PPP1R14C: variants seen among roughly 807,000 people sequenced by gnomAD.
The protein encoded by PPP1R14C is protein phosphatase 1 regulatory subunit 14C.
A neutral mutation model predicts 20.4 loss-of-function variants in PPP1R14C; 16 were observed. The observed-to-expected ratio is 0.78, with a 90% CI of 0.53 to 1.19. PPP1R14C has a LOEUF of 1.19. Ranked by LOEUF, PPP1R14C falls within the 50% of genes most tolerant of loss-of-function variation. The probability of loss-of-function intolerance (pLI) is 0.00; values close to 1 mark genes in which losing one functional copy is unlikely to be tolerated. For synonymous variants in PPP1R14C, 91 were observed against 91.0 expected (o/e 1.00, Z 0.00); for missense variants, 211 against 220.1 (o/e 0.96, Z 0.26).
chr6:150,148,597 G>T (rs955172028), intron 1 of PPP1R14C, among the ~76,000 whole-genome samples: 1 of 152,120 alleles, frequency 6.6e-6, no homozygotes, highest in Non-Finnish European at 1.5e-5. Flanking sequence ...CACATCAGCC[G>T]GCTTTGCTAC....
At chr6:150,167,198 T>A (rs949108543) in intron 1 of PPP1R14C, among the ~76,000 whole-genome samples, 8 of 152,098 alleles carry the variant, frequency 5.3e-5, no homozygotes, top group African/African-American at 1.9e-4. Flanking sequence ...AAACCCCATC[T>A]CTACTAAAAA....
At chr6:150,217,079 G>T (rs1481985167) in intron 3 of PPP1R14C, among the ~76,000 whole-genome samples, 1 of 152,070 alleles carries the variant, frequency 6.6e-6, no homozygotes, top group Non-Finnish European at 1.5e-5. Flanking sequence ...AGAGTGTGTT[G>T]CTTGTGTTAG....
intron 1 of PPP1R14C, among the ~76,000 whole-genome samples, chr6:150,159,014 T>TGG (rs746456955): frequency 6.6e-6 from 1 of 152,016 alleles, no homozygotes; most frequent in Non-Finnish European, 1.5e-5. Context: ...TCTTCATTTT[T>TGG]GGGGGGGCAG....
chr6:150,217,441 C>T (rs533698102), intron 3 of PPP1R14C, among the ~76,000 whole-genome samples: 16 of 152,198 alleles, frequency 1.1e-4, no homozygotes, highest in Middle Eastern at 3.4e-3. Flanking sequence ...GGTATTCACC[C>T]GCCTCGGCCT....
At chr6:150,209,921 ATG>A (rs533600580) in intron 1 of PPP1R14C, among the ~76,000 whole-genome samples, 1 of 134,656 alleles carries the variant, frequency 7.4e-6, no homozygotes, top group Admixed American at 7.3e-5. Context: ...ATGTTTGTGT[ATG>A]TGTGTGTGCA....
chr6:150,232,980 G>A (rs1778311463), intron 3 of PPP1R14C, among the ~76,000 whole-genome samples: 1 of 152,234 alleles, frequency 6.6e-6, no homozygotes, highest in South Asian at 2.1e-4. Flanking sequence ...GGCAGGGACA[G>A]GTTGTAGGAA....
chr6:150,161,511 C>T (rs1777367536), intron 1 of PPP1R14C, among the ~76,000 whole-genome samples: 1 of 152,226 alleles, frequency 6.6e-6, no homozygotes. Flanking sequence ...TAATCCATTA[C>T]TACATGGGTT....
intron 1 of PPP1R14C, among the ~76,000 whole-genome samples, chr6:150,198,989 G>A (rs920895200): frequency 6.7e-6 from 1 of 150,076 alleles, no homozygotes; most frequent in Non-Finnish European, 1.5e-5. Context: ...GACAGAAGTG[G>A]TAGGCTTCTT....
intron 1 of PPP1R14C, among the ~76,000 whole-genome samples, chr6:150,197,825 G>C (rs1246983374): frequency 2.8e-5 from 4 of 145,160 alleles, no homozygotes; most frequent in Admixed American, 2.0e-4. Context: ...GCCCTTCACG[G>C]TGGAGGAGGG....
intron 1 of PPP1R14C, among the ~76,000 whole-genome samples, chr6:150,150,849 C>T (rs1777237994): frequency 6.6e-6 from 1 of 152,090 alleles, no homozygotes; most frequent in Admixed American, 6.6e-5. Context: ...AAGTCTCTCT[C>T]TTCTGTTTAA....
intron 1 of PPP1R14C, among the ~76,000 whole-genome samples, chr6:150,156,277 T>G (rs1258358490): frequency 1.3e-5 from 2 of 152,132 alleles, no homozygotes; most frequent in African/African-American, 2.4e-5. Flanking sequence ...GAGTATATAT[T>G]TTATCTTACA....
intron 1 of PPP1R14C, among the ~76,000 whole-genome samples, chr6:150,157,616 G>A (rs1234682245): frequency 6.6e-6 from 1 of 151,348 alleles, no homozygotes; most frequent in Non-Finnish European, 1.5e-5. Context: ...CAGAAGCATG[G>A]CACTGCATCC....
chr6:150,219,719 T>C (rs1778144134), intron 3 of PPP1R14C, among the ~76,000 whole-genome samples: 1 of 152,228 alleles, frequency 6.6e-6, no homozygotes, highest in Non-Finnish European at 1.5e-5. Flanking sequence ...TATTCTACTC[T>C]CTGCATTGTC....
chr6:150,167,109 G>GT (rs1777430708), intron 1 of PPP1R14C, among the ~76,000 whole-genome samples: 3 of 152,170 alleles, frequency 2.0e-5, no homozygotes, highest in Admixed American at 2.0e-4. Flanking sequence ...GCTCACGCCT[G>GT]TAATCCCAGC....
intron 1 of PPP1R14C, among the ~76,000 whole-genome samples, chr6:150,181,576 G>T (rs949046866): frequency 2.0e-5 from 3 of 152,004 alleles, no homozygotes; most frequent in Non-Finnish European, 2.9e-5. Flanking sequence ...TTCTCAAATT[G>T]GCTCCTTGCA....
At chr6:150,222,057 C>G (rs1778174900) in intron 3 of PPP1R14C, among the ~76,000 whole-genome samples, 1 of 152,162 alleles carries the variant, frequency 6.6e-6, no homozygotes, top group Non-Finnish European at 1.5e-5. Context: ...CCTGGGCCTC[C>G]CAAAGTGCTG....
At chr6:150,151,405 G>A (rs1464717036) in intron 1 of PPP1R14C, among the ~76,000 whole-genome samples, 2 of 152,186 alleles carry the variant, frequency 1.3e-5, no homozygotes, top group Admixed American at 6.5e-5. Flanking sequence ...GAGTCACAAA[G>A]TCTTGTTGAT....
rs569135179 is a variant in PPP1R14C, at chr6:150,170,569, G to A, written c.306+27071G>A. On this transcript the variant is annotated intron_variant, in intron 1 of 3. Transcript: ENST00000361131. ...GATCTCCTGACCTCGTGATCCGCCC[G>A]CCTCGGCCTCCCAAAGTGCTGGAAT... is the stretch of plus-strand genomic sequence containing the variant. Among the ~76,000 whole-genome samples the A allele has an allele frequency of 9.2e-5, 14 of 152,156 alleles. No homozygotes were observed. In the East Asian group the frequency reaches 1.4e-3, roughly 15 times the overall value.
intron 3 of PPP1R14C, among the ~76,000 whole-genome samples, chr6:150,247,716 C>G (rs1778511174): frequency 6.6e-6 from 1 of 150,688 alleles, no homozygotes; most frequent in Admixed American, 6.6e-5. Flanking sequence ...ACTTCAAAGA[C>G]TCTTAGTGTG....
Sources: gnomAD v4.1 joint callset for allele counts (sites outside exome capture counted in the v4.1 genomes callset) on GRCh38, gnomAD v4.1.1 for gene constraint, MANE v1.5 for transcripts, NCBI Gene and HGNC (gene_info 2026-07-23, HGNC 2026-07-21) for gene names.